The following CLIC5 variants were observed in gnomAD, a reference collection of about 807,000 sequenced individuals.
CLIC5 encodes the protein CLIC family member 5.
In CLIC5, 20 loss-of-function variants were observed where a neutral mutation model predicts 24.7. That is an observed-to-expected ratio of 0.81 (90% CI 0.57 to 1.18). The LOEUF (loss-of-function observed/expected upper bound fraction) is 1.18, where lower values mean the gene tolerates loss of function less well. Among genes scored for constraint, CLIC5 ranks in the 50% most tolerant of loss-of-function variants. The pLI, the probability that CLIC5 is intolerant of heterozygous loss-of-function variation, is 0.00. For synonymous variants in CLIC5, 159 were observed against 135.6 expected (o/e 1.17, Z -1.20); for missense variants, 341 against 326.1 (o/e 1.05, Z -0.35).
intron 1 of CLIC5, among the ~76,000 whole-genome samples, chr6:46,013,408 C>T (rs1766874436): frequency 6.6e-6 from 1 of 152,194 alleles, no homozygotes; most frequent in Non-Finnish European, 1.5e-5. Flanking sequence ...TATTTCTAGC[C>T]TTTACTTGTC....
At chr6:45,969,194 G>A (rs1205431332) in intron 1 of CLIC5, among the ~76,000 whole-genome samples, 1 of 152,192 alleles carries the variant, frequency 6.6e-6, no homozygotes, top group Non-Finnish European at 1.5e-5. Flanking sequence ...GAGGATGAAA[G>A]AGCTTGTGGA....
At chr6:46,045,938 GTAT>G (rs1392684922) in intron 1 of CLIC5, among the ~76,000 whole-genome samples, 2 of 152,096 alleles carry the variant, frequency 1.3e-5, no homozygotes, top group African/African-American at 2.4e-5. Flanking sequence ...TAAGCATTTG[GTAT>G]TATTATTTTT....
intron 1 of CLIC5, among the ~76,000 whole-genome samples, chr6:45,984,488 A>G (rs1420888794): frequency 1.3e-5 from 2 of 152,212 alleles, no homozygotes; most frequent in Non-Finnish European, 2.9e-5. Context: ...TACCAGTAAA[A>G]TGAGAATGAC....
rs541926724 is a variant in CLIC5, at chr6:45,919,082, A to AAAC, written c.407-4676_407-4674dup. ...AGCTCCTAACCTCTGGGTGGTGGAA[A>AAAC]AACAACAACAACTTTAATTTCGTCC... On this transcript the variant is annotated intron_variant, in intron 4 of 5. Coordinates refer to ENST00000339561, the MANE Select transcript of CLIC5 (RefSeq NM_016929.5). The AAAC allele has an allele frequency of 4.1e-3, 3,996 of 985,416 alleles. 12 individuals carry two copies. The highest frequency in any genetic ancestry group is 0.018 in the Middle Eastern group (34 of 1,914). 61.0% of individuals were successfully genotyped at this position (985,416 alleles called of 1,614,324 possible).
chr6:46,084,145 C>T (rs1434523216), upstream of CLIC5, among the ~76,000 whole-genome samples: 10 of 152,066 alleles, frequency 6.6e-5, no homozygotes, highest in Non-Finnish European at 1.2e-4. Flanking sequence ...TTCCTCCATC[C>T]TTTTATTTTG....
chr6:45,921,977 C>G lies in CLIC5; in HGVS notation c.407-7568G>C, dbSNP rs189869120. ...CACATGGGGGAGGCAATTCCCAGGC[C>G]TCCGTTTCTAGGCACTGCTAAAAAC... On this transcript the variant is annotated intron_variant, in intron 4 of 5. Transcript: ENST00000339561. Among the ~76,000 whole-genome samples the G allele has an allele frequency of 3.2e-3, 482 of 152,292 alleles. 1 individual carries two copies. In the Middle Eastern group the frequency reaches 0.041, roughly 13 times the overall value.
At chr6:46,122,771 T>C in the CLIC5 span, among the ~76,000 whole-genome samples, 1 of 152,074 alleles carries the variant, frequency 6.6e-6, no homozygotes, top group Non-Finnish European at 1.5e-5. Context: ...CCCACAGAAA[T>C]ACAAACTACC....
At chr6:45,995,192 A>T (rs571701158) in intron 1 of CLIC5, among the ~76,000 whole-genome samples, 1 of 152,312 alleles carries the variant, frequency 6.6e-6, no homozygotes, top group South Asian at 2.1e-4. Flanking sequence ...CAAGCCACTT[A>T]ACCATTAGTG....
chr6:46,076,783 CTATTT>C (rs1420091388), intron 1 of CLIC5, among the ~76,000 whole-genome samples: 3 of 152,062 alleles, frequency 2.0e-5, no homozygotes, highest in African/African-American at 7.2e-5. Context: ...ACCATTAGCC[CTATTT>C]TATATTTATT....
At chr6:46,061,736 T>C (rs1039949209) in intron 1 of CLIC5, among the ~76,000 whole-genome samples, 1 of 152,262 alleles carries the variant, frequency 6.6e-6, no homozygotes, top group Non-Finnish European at 1.5e-5. Flanking sequence ...CTAATAGTTA[T>C]CATTTCAAAC....
chr6:45,966,588 G>A (rs764193783), intron 1 of CLIC5, among the ~76,000 whole-genome samples: 2 of 152,134 alleles, frequency 1.3e-5, no homozygotes, highest in Non-Finnish European at 2.9e-5. Context: ...CTGGGCTCAG[G>A]AGATGTGTGA....
At chr6:46,022,083 A>G (rs887153095) in intron 1 of CLIC5, among the ~76,000 whole-genome samples, 1 of 152,248 alleles carries the variant, frequency 6.6e-6, no homozygotes, top group African/African-American at 2.4e-5. Flanking sequence ...TTTCTATTTT[A>G]TGAGATGCAG....
intron 1 of CLIC5, among the ~76,000 whole-genome samples, chr6:46,031,883 T>C (rs2127456060): frequency 6.8e-6 from 1 of 147,374 alleles, no homozygotes; most frequent in East Asian, 2.0e-4. Flanking sequence ...ATAACATATA[T>C]ATATACACAC....
At chr6:46,108,454 T>C in the CLIC5 span, among the ~76,000 whole-genome samples, 1 of 150,790 alleles carries the variant, frequency 6.6e-6, no homozygotes, top group Non-Finnish European at 1.5e-5. Flanking sequence ...TGGAGTGCAA[T>C]GGTGCGGTCT....
intron 2 of CLIC5, among the ~76,000 whole-genome samples, chr6:45,953,304 G>A (rs1476591783): frequency 6.6e-6 from 1 of 152,112 alleles, no homozygotes; most frequent in Non-Finnish European, 1.5e-5. Flanking sequence ...AGAACTTGAT[G>A]AAACACTAAA....
upstream of CLIC5, among the ~76,000 whole-genome samples, chr6:46,017,327 A>T (rs1767047130): frequency 6.6e-6 from 1 of 152,240 alleles, no homozygotes. Context: ...ATAAAAAAAT[A>T]AGTAATAATA....
At chr6:46,066,754 G>A (rs946225) in intron 1 of CLIC5, among the ~76,000 whole-genome samples, 1 of 151,948 alleles carries the variant, frequency 6.6e-6, no homozygotes, top group Non-Finnish European at 1.5e-5. Context: ...ATGAAGGCAG[G>A]CACTGAGGGA....
At chr6:46,099,020 C>T in the CLIC5 span, among the ~76,000 whole-genome samples, 37 of 152,192 alleles carry the variant, frequency 2.4e-4, no homozygotes, top group Non-Finnish European at 5.3e-4. Context: ...GGCACTACTT[C>T]ATAGATGGTT....
intron 4 of CLIC5, 42 bp from the exon 5 acceptor site, chr6:45,914,451 CCAGTGGA>C: frequency 6.6e-7 from 1 of 1,522,610 alleles, no homozygotes; most frequent in Non-Finnish European, 8.9e-7. Context: ...AAACTTCTTG[CCAGTGGA>C]TACAGTCATA....
Sources: allele counts gnomAD v4.1 joint callset (sites outside exome capture counted in the v4.1 genomes callset), GRCh38; gene constraint gnomAD v4.1.1; transcripts MANE v1.5; gene names NCBI Gene and HGNC (gene_info 2026-07-23, HGNC 2026-07-21).